DOK6: variants seen among roughly 807,000 people sequenced by gnomAD.
DOK6 encodes the protein docking protein 6.
Under a neutral mutation model 44.0 loss-of-function variants are expected in DOK6, and 22 were observed. The ratio of observed to expected loss-of-function variants is 0.50; its 90% CI spans 0.36 to 0.71. The LOEUF (loss-of-function observed/expected upper bound fraction) is 0.71. DOK6 is among the 30% of genes least tolerant of loss of function. The probability of loss-of-function intolerance (pLI) is 0.00; values close to 1 mark genes in which losing one functional copy is unlikely to be tolerated. For synonymous variants in DOK6, 166 were observed against 145.5 expected (o/e 1.14, Z -1.01); for missense variants, 340 against 416.4 (o/e 0.82, Z 1.60).
At chr18:69,444,169 T>C (rs545140745) in intron 1 of DOK6, among the ~76,000 whole-genome samples, 1 of 152,256 alleles carries the variant, frequency 6.6e-6, no homozygotes, top group East Asian at 1.9e-4. Flanking sequence ...ATGGCTGAGC[T>C]CATGGAGGAT....
intron 7 of DOK6, among the ~76,000 whole-genome samples, chr18:69,824,241 T>C (rs1981672363): frequency 7.9e-6 from 1 of 126,668 alleles, no homozygotes; most frequent in Non-Finnish European, 1.6e-5. Flanking sequence ...TTCCCCTTCC[T>C]GTGTCCATGT....
At chr18:69,593,985 T>C (rs1487722957) in intron 2 of DOK6, among the ~76,000 whole-genome samples, 2 of 152,306 alleles carry the variant, frequency 1.3e-5, no homozygotes, top group Admixed American at 6.5e-5. Context: ...AAACATAACT[T>C]CAATTTATTT....
chr18:69,614,930 G>A (rs531792729), intron 3 of DOK6, among the ~76,000 whole-genome samples: 1 of 151,934 alleles, frequency 6.6e-6, no homozygotes, highest in Admixed American at 6.6e-5. Context: ...AAGATTGGAG[G>A]GGCTCACTTT....
chr18:69,621,694 G>A (rs189403616), intron 3 of DOK6, among the ~76,000 whole-genome samples: 2 of 152,230 alleles, frequency 1.3e-5, no homozygotes, highest in Admixed American at 6.5e-5. Flanking sequence ...ACTCAATGGA[G>A]TAAACTGGAA....
chr18:69,502,688 A>G (rs1051201819), intron 1 of DOK6, among the ~76,000 whole-genome samples: 1 of 152,076 alleles, frequency 6.6e-6, no homozygotes, highest in Non-Finnish European at 1.5e-5. Flanking sequence ...TTAGTGTGCC[A>G]TCAGGAACCC....
chr18:69,826,318 G>A (rs1019732996), intron 7 of DOK6, among the ~76,000 whole-genome samples: 3 of 152,132 alleles, frequency 2.0e-5, no homozygotes, highest in African/African-American at 7.2e-5. Flanking sequence ...AGTTCCATCA[G>A]AACATGGACC....
At chr18:69,553,868 T>C (rs530731154) in intron 1 of DOK6, among the ~76,000 whole-genome samples, 22 of 152,268 alleles carry the variant, frequency 1.4e-4, no homozygotes, top group South Asian at 1.0e-3. Context: ...AAAAGCTGTT[T>C]GATGTCCACC....
intron 7 of DOK6, among the ~76,000 whole-genome samples, chr18:69,804,347 T>C (rs980297526): frequency 1.3e-5 from 2 of 152,220 alleles, no homozygotes; most frequent in Admixed American, 6.5e-5. Flanking sequence ...TTTTGTGCTG[T>C]TGAGGTTTAG....
At chr18:69,586,401 C>G (rs1983500994) in intron 2 of DOK6, among the ~76,000 whole-genome samples, 1 of 152,178 alleles carries the variant, frequency 6.6e-6, no homozygotes, top group African/African-American at 2.4e-5. Flanking sequence ...CCTAGCATCT[C>G]AGGTTGACAG....
chr18:69,638,970 T>G (rs946114402), intron 3 of DOK6, among the ~76,000 whole-genome samples: 2 of 152,212 alleles, frequency 1.3e-5, no homozygotes, highest in Non-Finnish European at 2.9e-5. Flanking sequence ...ATATTTATAA[T>G]CCTGGGAGGT....
At chr18:69,428,693 T>C (rs1978712421) in intron 1 of DOK6, among the ~76,000 whole-genome samples, 1 of 152,218 alleles carries the variant, frequency 6.6e-6, no homozygotes, top group Admixed American at 6.5e-5. Flanking sequence ...ATAGCTTGCC[T>C]AGGATTGTCT....
At chr18:69,597,105 T>C (rs1983760531) in intron 2 of DOK6, among the ~76,000 whole-genome samples, 1 of 151,994 alleles carries the variant, frequency 6.6e-6, no homozygotes, top group Non-Finnish European at 1.5e-5. Flanking sequence ...TAATGTTGGG[T>C]TTGTAACATT....
At chr18:69,442,978 TAATG>T (rs1979178909) in intron 1 of DOK6, among the ~76,000 whole-genome samples, 1 of 152,202 alleles carries the variant, frequency 6.6e-6, no homozygotes, top group Non-Finnish European at 1.5e-5. Context: ...TATTTACAAA[TAATG>T]GAGGGAAACG....
intron 1 of DOK6, among the ~76,000 whole-genome samples, chr18:69,420,715 C>T (rs1373537760): frequency 5.3e-5 from 8 of 152,198 alleles, no homozygotes; most frequent in East Asian, 1.9e-4. Context: ...TGATTTCTAG[C>T]GCCTTCTCAG....
intron 1 of DOK6, among the ~76,000 whole-genome samples, chr18:69,500,060 G>A (rs1461648713): frequency 1.3e-5 from 2 of 152,018 alleles, no homozygotes; most frequent in Non-Finnish European, 2.9e-5. Context: ...TCACCCCATC[G>A]ACTTCAACCT....
At chr18:69,598,919 C>T (rs1983809274) in intron 2 of DOK6, among the ~76,000 whole-genome samples, 1 of 152,082 alleles carries the variant, frequency 6.6e-6, no homozygotes. Context: ...CCTTTTGGAG[C>T]AATGGACTTG....
chr18:69,691,062 G>A (rs565069020), intron 4 of DOK6, among the ~76,000 whole-genome samples: 28 of 152,038 alleles, frequency 1.8e-4, no homozygotes, highest in African/African-American at 6.3e-4. Context: ...ACAGGTGACT[G>A]TAATCCCAGC....
chr18:69,548,706 G>C (rs747102154), intron 1 of DOK6, among the ~76,000 whole-genome samples: 10 of 151,494 alleles, frequency 6.6e-5, no homozygotes, highest in African/African-American at 1.7e-4. Context: ...TATATTCCTG[G>C]ACCTATATGG....
chr18:69,611,438 C>G (rs1984136331), intron 3 of DOK6, among the ~76,000 whole-genome samples: 1 of 151,492 alleles, frequency 6.6e-6, no homozygotes, highest in African/African-American at 2.4e-5. Flanking sequence ...ACCATACAAC[C>G]TAGAAATTAC....
Sources: gnomAD v4.1 joint callset for allele counts (sites outside exome capture counted in the v4.1 genomes callset) on GRCh38, gnomAD v4.1.1 for gene constraint, MANE v1.5 for transcripts, NCBI Gene and HGNC (gene_info 2026-07-23, HGNC 2026-07-21) for gene names.